The following CCDC39 variants were observed in gnomAD, a reference collection of about 807,000 sequenced individuals.
The protein encoded by CCDC39 is coiled-coil domain-containing protein 39.
CCDC39 carries 113 observed loss-of-function variants against 121.0 expected under a neutral mutation model. That is an observed-to-expected ratio of 0.93 (90% confidence interval 0.80 to 1.09). The LOEUF is 1.09. CCDC39 is among the 50% of genes least tolerant of loss of function. CCDC39 has a pLI of 0.00. For missense variants in CCDC39, 1,063 were observed against 1,074.7 expected (o/e 0.99, Z 0.15); for synonymous variants, 349 against 352.2 (o/e 0.99, Z 0.10).
chr3:180,647,990 T>C (rs945699540), intron 10 of CCDC39, among the ~76,000 whole-genome samples, 175 bp downstream of exon 10: 11 of 152,138 alleles, frequency 7.2e-5, no homozygotes, highest in Admixed American at 3.3e-4. Context: ...GGGGAAAAAA[T>C]AGTTTTTAAG....
Position 180,651,535 on chromosome 3 carries a change from T to A in CCDC39, c.1035-2A>T. ...TTATGATTTTTAGTTTTTTGTAACC[T>A]GAAGAGGGTTTATCACAAAAAGATA... On this transcript the variant is annotated splice_acceptor_variant, in intron 8 of 19. Coordinates refer to ENST00000476379, the MANE Select transcript of CCDC39 (RefSeq NM_181426.2). LOFTEE classifies it high-confidence loss of function. 1 of 1,517,586 alleles carries A rather than the reference T, an allele frequency of 6.6e-7. No homozygotes were observed. Among genetic ancestry groups the A allele is most frequent in the Non-Finnish European group, 8.8e-7 (1 of 1,136,144 alleles). The allele number at this position is 1,517,586 out of a possible 1,614,324, so 94.0% of individuals were successfully genotyped here.
intron 13 of CCDC39, 67 bp downstream of exon 13, chr3:180,641,926 G>T: frequency 8.9e-7 from 1 of 1,121,514 alleles, no homozygotes; most frequent in East Asian, 2.4e-5. Flanking sequence ...TGTTAGAGGG[G>T]GCAGCTAGTT....
chr3:180,643,166 A>G (rs947986421), intron 12 of CCDC39, among the ~76,000 whole-genome samples: 4 of 152,040 alleles, frequency 2.6e-5, no homozygotes, highest in Admixed American at 1.3e-4. Flanking sequence ...TCACCATGTT[A>G]GCCAGGATGG....
chr3:180,634,429 T>C (rs1263303470), intron 13 of CCDC39, among the ~76,000 whole-genome samples: 6 of 152,104 alleles, frequency 3.9e-5, no homozygotes. Context: ...ATTGGGCCCA[T>C]AGCACAGACT....
intron 1 of CCDC39, among the ~76,000 whole-genome samples, chr3:180,671,098 C>G (rs77709391): frequency 0.038 from 5,738 of 151,500 alleles, 375 homozygotes; most frequent in African/African-American, 0.13. Flanking sequence ...TGTAATCCCA[C>G]CTACTTGCAG....
At chr3:180,671,459 GCTGT>G (rs1712045966) in intron 1 of CCDC39, among the ~76,000 whole-genome samples, 1 of 152,168 alleles carries the variant, frequency 6.6e-6, no homozygotes, top group Non-Finnish European at 1.5e-5. Flanking sequence ...AATAAAAGTT[GCTGT>G]CTAACACCAC....
At chr3:180,677,469 G>T (rs923628645) in intron 1 of CCDC39, among the ~76,000 whole-genome samples, 1 of 151,594 alleles carries the variant, frequency 6.6e-6, no homozygotes, top group Middle Eastern at 3.4e-3. Context: ...AGGGGAAAAG[G>T]AGGTGGGAAA....
At chr3:180,657,316 G>C (rs935587010) in intron 6 of CCDC39, among the ~76,000 whole-genome samples, 3 of 152,144 alleles carry the variant, frequency 2.0e-5, no homozygotes, top group African/African-American at 7.2e-5. Context: ...CAACATGTAA[G>C]TAAGGAACCA....
chr3:180,650,335 G>A (rs1242034676), intron 9 of CCDC39, among the ~76,000 whole-genome samples: 1 of 152,156 alleles, frequency 6.6e-6, no homozygotes, highest in Admixed American at 6.5e-5. Flanking sequence ...AGTATAAGGG[G>A]TTAAAGAGAT....
chr3:180,671,666 T>C (rs1712051520), intron 1 of CCDC39, among the ~76,000 whole-genome samples: 1 of 152,146 alleles, frequency 6.6e-6, no homozygotes, highest in East Asian at 1.9e-4. Flanking sequence ...GTTCAAGCGA[T>C]TGTCCTTCCT....
In CCDC39 at chr3:180,647,080, T is replaced by C. The variant is rs1443295809; in HGVS notation, c.1526A>G (p.His509Arg). ...GLLETQIKKL[H>R]NDLYFIKKAH... ...TAAAATGTATTTTGGCTAAGTTACATGAAGCTTCTTGATCTGTGTTTCCAA... is the reference window on the plus strand; with the variant it reads ...TAAAATGTATTTTGGCTAAGTTACACGAAGCTTCTTGATCTGTGTTTCCAA... Residue 509 changes from histidine to arginine, a missense_variant and splice_region_variant, in exon 11 of 20, where the codon CAT becomes CGT. Coordinates refer to ENST00000476379, the MANE Select transcript of CCDC39 (RefSeq NM_181426.2). 1.2e-6 allele frequency: 2 copies of C among 1,603,674 alleles called. No individual in the cohort carries two copies. The highest frequency in any genetic ancestry group is 1.7e-6 in the Non-Finnish European group (2 of 1,177,128).
intron 14 of CCDC39, 150 bp downstream of exon 14, chr3:180,631,319 T>C (rs1717688686): frequency 2.9e-6 from 2 of 701,478 alleles, no homozygotes; most frequent in South Asian, 1.9e-5. Flanking sequence ...TTAAGTGTAA[T>C]AGTGGCCCTA....
chr3:180,641,896 A>G (rs760971338), intron 13 of CCDC39, 97 bp downstream of exon 13: 2 of 811,356 alleles, frequency 2.5e-6, no homozygotes, highest in Non-Finnish European at 3.8e-6. Flanking sequence ...CGAATGAGTA[A>G]AAACGATGCA....
Position 180,632,879 on chromosome 3 carries a change from C to T in CCDC39, c.1875-1287G>A, listed in dbSNP as rs559931480. On this transcript the variant is annotated intron_variant, in intron 13 of 19. Transcript: ENST00000476379. ...CAACTCTGGGCCATTCCCCTCAACCCCTCAAAACATACAGAAATGTCAGGA... is the reference window on the plus strand; with the variant it reads ...CAACTCTGGGCCATTCCCCTCAACCTCTCAAAACATACAGAAATGTCAGGA... Among the ~76,000 whole-genome samples, 13 of 152,266 alleles carry T rather than the reference C, an allele frequency of 8.5e-5. No homozygotes were observed. In the South Asian group the frequency reaches 2.7e-3, roughly 32 times the overall value.
At chr3:180,663,142 A>G (rs1711782827) in intron 2 of CCDC39, among the ~76,000 whole-genome samples, 1 of 152,182 alleles carries the variant, frequency 6.6e-6, no homozygotes, top group Non-Finnish European at 1.5e-5. Flanking sequence ...TAACTTTTTA[A>G]TCTCAGGATT....
intron 14 of CCDC39, among the ~76,000 whole-genome samples, chr3:180,629,260 T>C (rs1717637875): frequency 6.6e-6 from 1 of 152,236 alleles, no homozygotes; most frequent in South Asian, 2.1e-4. Context: ...TGCTGGTAGA[T>C]GCAAAACATA....
intron 16 of CCDC39, chr3:180,617,363 C>A: frequency 1.8e-6 from 1 of 563,276 alleles, no homozygotes; most frequent in Non-Finnish European, 3.2e-6. Flanking sequence ...ATACAATATA[C>A]TTTTATTATT....
intron 1 of CCDC39, among the ~76,000 whole-genome samples, chr3:180,667,688 C>T (rs1376761005): frequency 6.6e-6 from 1 of 152,090 alleles, no homozygotes; most frequent in Non-Finnish European, 1.5e-5. Context: ...TTCCTTGAAA[C>T]ACAATATTGA....
chr3:180,616,213 A>C, intron 19 of CCDC39, 68 bp downstream of exon 19: 1 of 1,332,784 alleles, frequency 7.5e-7, no homozygotes, highest in Non-Finnish European at 1.1e-6. Context: ...GGTGATGTAG[A>C]AGTGGCTGGA....
Sources: allele counts gnomAD v4.1 joint callset (sites outside exome capture counted in the v4.1 genomes callset), GRCh38; gene constraint gnomAD v4.1.1; transcripts MANE v1.5; gene names NCBI Gene and HGNC (gene_info 2026-07-23, HGNC 2026-07-21).